The following KCNK10 variants were observed in gnomAD, a reference collection of about 807,000 sequenced individuals.
KCNK10 encodes potassium two pore domain channel subfamily K member 10, also known as potassium channel subfamily K member 10.
KCNK10 carries 25 observed loss-of-function variants against 47.7 expected under a neutral mutation model. The ratio of observed to expected loss-of-function variants is 0.52; its 90% CI spans 0.38 to 0.73. The LOEUF is 0.73. Ranked by LOEUF, KCNK10 falls within the 30% of genes least tolerant of loss-of-function variation. KCNK10 has a pLI of 0.00. For synonymous variants in KCNK10, 303 were observed against 285.6 expected (o/e 1.06, Z -0.61); for missense variants, 563 against 714.5 (o/e 0.79, Z 2.42).
At chr14:88,242,746 T>C (rs895819108) in intron 2 of KCNK10, among the ~76,000 whole-genome samples, 2 of 152,164 alleles carry the variant, frequency 1.3e-5, no homozygotes, top group Non-Finnish European at 2.9e-5. Flanking sequence ...CGGTAGCATC[T>C]CCATTTTCAC....
intron 1 of KCNK10, among the ~76,000 whole-genome samples, chr14:88,287,674 GGTGTGTGTGTGTGTGTGTGTGTGTGTGT>G (rs199702993): frequency 1.4e-5 from 2 of 141,542 alleles, no homozygotes; most frequent in Non-Finnish European, 3.1e-5. Context: ...AGTATTCCAT[GGTGTGTGTGTGTGTGTGTGTGTGTGTGT>G]GTGTGTGTGT....
At chr14:88,204,342 AAAG>A (rs1885195540) in intron 4 of KCNK10, among the ~76,000 whole-genome samples, 1 of 152,210 alleles carries the variant, frequency 6.6e-6, no homozygotes, top group South Asian at 2.1e-4. Context: ...CTAAAAGAGA[AAAG>A]GAGGAAGAGA....
At chr14:88,294,399 T>C (rs1365510356) in intron 1 of KCNK10, among the ~76,000 whole-genome samples, 1 of 152,230 alleles carries the variant, frequency 6.6e-6, no homozygotes, top group Non-Finnish European at 1.5e-5. Flanking sequence ...AATAGAGCAA[T>C]GCAAAGAAGA....
intron 4 of KCNK10, among the ~76,000 whole-genome samples, chr14:88,203,835 G>C (rs1463385628): frequency 6.6e-6 from 1 of 152,178 alleles, no homozygotes; most frequent in Non-Finnish European, 1.5e-5. Flanking sequence ...AGTAACACAG[G>C]GAAGGCACAG....
Position 88,180,970 on chromosome 14 carries a change from C to T in KCNK10, c.*4565G>A, listed in dbSNP as rs1884327279. The T allele has an allele frequency of 2.5e-6, 1 of 397,240 alleles. No homozygotes were observed. Among genetic ancestry groups the T allele is most frequent in the Non-Finnish European group, 4.4e-6 (1 of 225,528 alleles). The allele number at this position is 397,240 out of a possible 1,614,324, so 24.6% of individuals were successfully genotyped here. A position where few individuals can be genotyped will look rare whatever the true frequency, so the allele number is the denominator to read the frequency against. ...ATTACTAGCCAGCTCTTACTGTTCA[C>T]TCAGCCACTGTCTTTGCACACAATT... is the stretch of plus-strand genomic sequence containing the variant. On this transcript the variant is annotated 3_prime_UTR_variant, in exon 7 of 7. Coordinates refer to ENST00000319231, the MANE Select transcript of KCNK10 (RefSeq NM_138317.3).
intron 3 of KCNK10, among the ~76,000 whole-genome samples, chr14:88,237,708 C>T (rs1886337070): frequency 6.6e-6 from 1 of 152,132 alleles, no homozygotes. Context: ...AATCTTTTTT[C>T]TGAGTAGTAG....
chr14:88,308,500 A>G (rs1888246153), intron 1 of KCNK10, among the ~76,000 whole-genome samples: 1 of 152,262 alleles, frequency 6.6e-6, no homozygotes, highest in African/African-American at 2.4e-5. Flanking sequence ...AAAGACATGT[A>G]AATTTAGACA....
intron 1 of KCNK10, among the ~76,000 whole-genome samples, chr14:88,266,925 C>T (rs1040811895): frequency 7.9e-5 from 12 of 152,306 alleles, no homozygotes; most frequent in South Asian, 2.1e-4. Context: ...GCTTGAGAAA[C>T]GTCTCTTCAG....
At position 88,227,437 on chromosome 14, in the gene KCNK10, T is replaced by G. The variant is rs779115483; in HGVS notation, c.619A>C (p.Ile207Leu). The G allele has an allele frequency of 4.3e-6, 7 of 1,613,690 alleles. No homozygotes were observed. The highest frequency in any genetic ancestry group is 5.9e-6 in the Non-Finnish European group (7 of 1,179,876). The change falls in exon 4 of 7, where the codon ATT becomes CTT. Residue 207 changes from isoleucine to leucine, a missense_variant. By Grantham distance (5) the Ile-to-Leu change is conservative. Coordinates refer to ENST00000319231, the MANE Select transcript of KCNK10 (RefSeq NM_138317.3). ...AAGATGGTTCCAAGTTGGTCTCCAATTCCAGCCAATAAGAAACCAAAGAGT... is the reference window on the plus strand; with the variant it reads ...AAGATGGTTCCAAGTTGGTCTCCAAGTCCAGCCAATAAGAAACCAAAGAGT... ...IPLFGFLLAG[I>L]GDQLGTIFGK...
At chr14:88,233,137 A>G (rs1886202108) in intron 3 of KCNK10, among the ~76,000 whole-genome samples, 1 of 152,204 alleles carries the variant, frequency 6.6e-6, no homozygotes, top group Non-Finnish European at 1.5e-5. Context: ...CGCTTAAACA[A>G]CGAAAGAAAA....
At chr14:88,230,038 T>C (rs1344107431) in intron 3 of KCNK10, among the ~76,000 whole-genome samples, 2 of 152,190 alleles carry the variant, frequency 1.3e-5, no homozygotes, top group African/African-American at 4.8e-5. Flanking sequence ...CTCCCTCACT[T>C]TCTTCATCAA....
chr14:88,230,784 C>G (rs958484395), intron 3 of KCNK10, among the ~76,000 whole-genome samples: 1 of 152,182 alleles, frequency 6.6e-6, no homozygotes, highest in African/African-American at 2.4e-5. Flanking sequence ...TGCTTACTAA[C>G]TATGAAATAC....
chr14:88,317,569 G>C (rs77689471), intron 1 of KCNK10, among the ~76,000 whole-genome samples: 1 of 152,206 alleles, frequency 6.6e-6, no homozygotes, highest in African/African-American at 2.4e-5. Context: ...GAACAAAGTC[G>C]CTGGGAGGAA....
chr14:88,255,859 T>TA (rs931677233), intron 2 of KCNK10, among the ~76,000 whole-genome samples: 12 of 151,548 alleles, frequency 7.9e-5, no homozygotes, highest in African/African-American at 2.2e-4. Context: ...GACCCTGTTT[T>TA]AAAAAAAAGG....
intron 4 of KCNK10, among the ~76,000 whole-genome samples, chr14:88,215,479 A>C (rs1468723779): frequency 6.6e-6 from 1 of 152,178 alleles, no homozygotes. Flanking sequence ...TCCCTCCCAC[A>C]ACACATGAGG....
chr14:88,185,318 G>T lies in KCNK10; in HGVS notation c.*217C>A, dbSNP rs1884505755. 1 of 639,150 alleles carries T rather than the reference G, an allele frequency of 1.6e-6. No individual in the cohort carries two copies. The highest frequency in any genetic ancestry group is 2.1e-5 in the South Asian group (1 of 48,764). The allele number at this position is 639,150 out of a possible 1,614,324, so 39.6% of individuals were successfully genotyped here. On this transcript the variant is annotated 3_prime_UTR_variant, in exon 7 of 7. Coordinates refer to ENST00000319231, the MANE Select transcript of KCNK10 (RefSeq NM_138317.3). This position sits in a 1 kb window ranked among gnomAD's most constrained non-coding sequence, Gnocchi z 4.3. ...CCGGCTACGTGCACGGACACTCTTG[G>T]TGTGTCCTGCGTTTGCTATCTGAAA...
Position 88,322,838 on chromosome 14 carries a change from A to T in KCNK10, c.-40T>A. 1.2e-6 allele frequency: 2 copies of T among 1,614,066 alleles called. No homozygotes were observed. Among genetic ancestry groups the T allele is most frequent in the Non-Finnish European group, 1.7e-6 (2 of 1,179,938 alleles). ...GAAGGGGAAGAAATGAAAAGAACCC[A>T]AATAATAATAAAGTCCTCAAGCTTT... On this transcript the variant is annotated 5_prime_UTR_variant, in exon 1 of 7. Coordinates refer to ENST00000319231, the MANE Select transcript of KCNK10 (RefSeq NM_138317.3). The surrounding 1 kb of genome is among the most constrained non-coding windows in gnomAD (Gnocchi z 4.8).
chr14:88,226,262 T>C (rs1274838915), intron 4 of KCNK10, among the ~76,000 whole-genome samples: 1 of 152,224 alleles, frequency 6.6e-6, no homozygotes, highest in Non-Finnish European at 1.5e-5. Flanking sequence ...CTATGGTGCC[T>C]CGTTCCTCCC....
At chr14:88,233,380 G>A (rs915261185) in intron 3 of KCNK10, among the ~76,000 whole-genome samples, 1 of 152,198 alleles carries the variant, frequency 6.6e-6, no homozygotes, top group African/African-American at 2.4e-5. Context: ...AGAAAGAGAG[G>A]TCATTTCCTC....
Sources: allele counts gnomAD v4.1 joint callset (sites outside exome capture counted in the v4.1 genomes callset), GRCh38; gene constraint gnomAD v4.1.1; non-coding constraint Gnocchi (gnomAD v3.1); transcripts MANE v1.5; gene names NCBI Gene and HGNC (gene_info 2026-07-23, HGNC 2026-07-21).